Variants in COPZ2 observed in about 807,000 individuals in gnomAD.
The protein encoded by COPZ2 is coatomer subunit zeta-2.
COPZ2 carries 30 observed loss-of-function variants against 33.2 expected under a neutral mutation model. The ratio of observed to expected loss-of-function variants is 0.90; its 90% CI spans 0.68 to 1.23. The LOEUF (loss-of-function observed/expected upper bound fraction) is 1.23. COPZ2 is among the 50% of genes most tolerant of loss of function. The probability of loss-of-function intolerance (pLI) is 0.00; values close to 1 mark genes in which losing one functional copy is unlikely to be tolerated. For missense variants in COPZ2, 263 were observed against 262.4 expected (o/e 1.00, Z -0.02); for synonymous variants, 89 against 102.6 (o/e 0.87, Z 0.80).
At chr17:48,044,403 CT>C in the COPZ2 span, among the ~76,000 whole-genome samples, 2,693 of 101,648 alleles carry the variant, frequency 0.026, 27 homozygotes, top group Non-Finnish European at 0.038. Context: ...CAATCTTTTG[CT>C]TTTTTTTTTT....
In COPZ2 at chr17:48,037,740, C is replaced by T. The variant is rs1184279608; in HGVS notation, c.38G>A (p.Gly13Glu). The change falls in exon 1 of 9, where the codon GGG (glycine) becomes GAG (glutamate). Residue 13 changes from glycine to glutamate, a missense_variant. Coordinates refer to ENST00000621465, the MANE Select transcript of COPZ2 (RefSeq NM_016429.4). This position sits in a 1 kb window ranked among gnomAD's most constrained non-coding sequence, Gnocchi z 5.6. ...RPEAWPRPHPGEGAAAAQAGG... is the reference protein window; with the variant it reads ...RPEAWPRPHPEEGAAAAQAGG... The stretch of plus-strand genomic sequence containing the variant: ...GGCCTGGGCCGCCGCGGCCCCCTCC[C>T]CCGGGTGCGGACGTGGCCAGGCCTC... 2 of 1,059,698 alleles carry T rather than the reference C, an allele frequency of 1.9e-6. No homozygotes were observed. The highest frequency in any genetic ancestry group is 2.3e-6 in the Non-Finnish European group (2 of 880,418). 65.6% of individuals were successfully genotyped at this position (1,059,698 alleles called of 1,614,324 possible).
Position 48,029,146 on chromosome 17 carries a change from C to T in COPZ2, c.525G>A (p.Val175=). 2 of 1,579,134 alleles carry T rather than the reference C, an allele frequency of 1.3e-6. No homozygotes were observed. Among genetic ancestry groups the T allele is most frequent in the Non-Finnish European group, 1.7e-6 (2 of 1,162,230 alleles). The change falls in exon 7 of 9, where the codon GTG becomes GTA. Residue 175 remains valine (V), a synonymous_variant. Transcript: ENST00000621465. ...GVILESDPQQ[V]IQKVNFRADD... ...TTACCCTAAAATTCACCTTCTGGAT[C>T]ACTTGCTGGGGGTCACTCTCCAGAA...
chr17:48,030,921 C>T (rs1215387303), intron 6 of COPZ2, among the ~76,000 whole-genome samples: 2 of 152,170 alleles, frequency 1.3e-5, no homozygotes, highest in Non-Finnish European at 2.9e-5. Flanking sequence ...TGGCGTTACC[C>T]CACTCCCTTT....
chr17:48,042,710 C>T (rs1251153779), upstream of COPZ2, among the ~76,000 whole-genome samples: 1 of 152,154 alleles, frequency 6.6e-6, no homozygotes, highest in Non-Finnish European at 1.5e-5. Flanking sequence ...GATCTGCCCA[C>T]CTTGGCCTCC....
Position 48,037,096 on chromosome 17 carries a change from C to T in COPZ2, c.112-171G>A. On this transcript the variant is annotated intron_variant, in intron 1 of 8. Transcript: ENST00000621465. This position sits in a 1 kb window ranked among gnomAD's most constrained non-coding sequence, Gnocchi z 5.6. ...CCACATGGGCCAACCCAGGTGCCCA[C>T]TCCACTCCCAGGCAGATGTTCCACT... The T allele has an allele frequency of 1.3e-6, 1 of 772,522 alleles. No homozygotes were observed. The highest frequency in any genetic ancestry group is 1.7e-5 in the Admixed American group (1 of 57,444). 47.9% of individuals were successfully genotyped at this position (772,522 alleles called of 1,614,324 possible). A position where few individuals can be genotyped will look rare whatever the true frequency, so the allele number is the denominator to read the frequency against.
chr17:48,035,878 C>A (rs370994594), intron 2 of COPZ2, among the ~76,000 whole-genome samples: 2 of 151,510 alleles, frequency 1.3e-5, no homozygotes, highest in African/African-American at 4.9e-5. Context: ...CTCAGCCTCT[C>A]GAGTAGCTGG....
upstream of COPZ2, among the ~76,000 whole-genome samples, chr17:48,040,578 G>A (rs2037052168): frequency 6.6e-6 from 1 of 151,470 alleles, no homozygotes. Flanking sequence ...GACTACAGGT[G>A]CACACCACCA....
Position 48,030,331 on chromosome 17 carries a change from A to AC in COPZ2, c.495-1156_495-1155insG, listed in dbSNP as rs1555571321. Among the ~76,000 whole-genome samples the AC allele has an allele frequency of 4.8e-3, 542 of 111,820 alleles. 3 individuals carry two copies. The highest frequency in any genetic ancestry group is 9.9e-3 in the Middle Eastern group (2 of 202). The allele number at this position is 111,820 out of a possible 152,430, so 73.4% of individuals were successfully genotyped here. A position where few individuals can be genotyped will look rare whatever the true frequency, so the allele number is the denominator to read the frequency against. ...ACACACACACACACACACACACACA[A>AC]AGAAACAAACAAAAAAATTCCCTTT... On this transcript the variant is annotated intron_variant, in intron 6 of 8. Transcript: ENST00000621465.
chr17:48,029,912 G>C lies in COPZ2; in HGVS notation c.495-736C>G, dbSNP rs8067034. 8.8e-3 allele frequency among the ~76,000 whole-genome samples: 1,337 copies of C among 151,744 alleles called. 24 individuals carry two copies. The highest frequency in any genetic ancestry group is 0.03 in the African/African-American group (1,256 of 41,364). On this transcript the variant is annotated intron_variant, in intron 6 of 8. Coordinates refer to ENST00000621465, the MANE Select transcript of COPZ2 (RefSeq NM_016429.4). ...CAACCCGGGAGGCAGAGGTTGCAGTGAGCCAAGATTGCGCCACTGCACTCC... is the reference window on the plus strand; with the variant it reads ...CAACCCGGGAGGCAGAGGTTGCAGTCAGCCAAGATTGCGCCACTGCACTCC...
In COPZ2 at chr17:48,032,899, T is replaced by G. The variant is rs2036915410; in HGVS notation, c.361-158A>C. ...TGACATTAGAGGGAACTTCCATGTG[T>G]CTGGGCTGGGAAACTGGAGTTCTCC... On this transcript the variant is annotated intron_variant, in intron 4 of 8. Coordinates refer to ENST00000621465, the MANE Select transcript of COPZ2 (RefSeq NM_016429.4). 5 of 639,292 alleles carry G rather than the reference T, an allele frequency of 7.8e-6. No homozygotes were observed. The Admixed American group carries it at 1.3e-4, about 17-fold the overall frequency. 39.6% of individuals were successfully genotyped at this position (639,292 alleles called of 1,614,324 possible). A position where few individuals can be genotyped will look rare whatever the true frequency, so the allele number is the denominator to read the frequency against.
At position 48,026,353 on chromosome 17, in the gene COPZ2, G is replaced by A. The variant is rs1309134906; in HGVS notation, c.*75C>T. 8.1e-7 allele frequency: 1 copy of A among 1,238,534 alleles called. No homozygotes were observed. The highest frequency in any genetic ancestry group is 1.2e-6 in the Non-Finnish European group (1 of 845,048). 76.7% of individuals were successfully genotyped at this position (1,238,534 alleles called of 1,614,324 possible). On this transcript the variant is annotated 3_prime_UTR_variant, in exon 9 of 9. Transcript: ENST00000621465. ...CTGGGGATACAGAGGGGTCTCTCCT[G>A]ACCCTGGGATCTTTGGGCTTTTGCC... is the stretch of plus-strand genomic sequence containing the variant.
In COPZ2 at chr17:48,033,364, C is replaced by T; in HGVS notation, c.269-62G>A. On this transcript the variant is annotated intron_variant, in intron 3 of 8. Transcript: ENST00000621465. The stretch of plus-strand genomic sequence containing the variant: ...GCCTGGTCCTAGCCTAGCCCCTCCT[C>T]CTCATGTATGACTCTGTGACTCTCC... 2.4e-5 allele frequency: 22 copies of T among 913,370 alleles called. No individual in the cohort carries two copies. The South Asian group carries it at 2.9e-4, about 12-fold the overall frequency. 56.6% of individuals were successfully genotyped at this position (913,370 alleles called of 1,614,324 possible).
the COPZ2 span, among the ~76,000 whole-genome samples, chr17:48,043,879 C>T: frequency 1.3e-5 from 2 of 152,176 alleles, no homozygotes; most frequent in East Asian, 3.9e-4. Context: ...TGACATGTCA[C>T]ACAGAGCTAT....
chr17:48,029,316 C>A, intron 6 of COPZ2, 140 bp from the exon 7 acceptor site: 1 of 768,280 alleles, frequency 1.3e-6, no homozygotes, highest in Admixed American at 2.1e-5. Flanking sequence ...ACTGATAGCC[C>A]TCAAGTCAGA....
chr17:48,043,402 T>C, the COPZ2 span: 3 of 460,480 alleles, frequency 6.5e-6, no homozygotes, highest in Non-Finnish European at 5.7e-6. Flanking sequence ...GCATCTGTTC[T>C]TATGTGACGA....
chr17:48,032,916 G>A, intron 4 of COPZ2, 175 bp from the exon 5 acceptor site: 1 of 620,764 alleles, frequency 1.6e-6, no homozygotes, highest in South Asian at 2.0e-5. Flanking sequence ...TGGGAAACTG[G>A]AGTTCTCCAC....
chr17:48,036,494 G>A (rs1276456645), intron 2 of COPZ2, among the ~76,000 whole-genome samples: 1 of 152,168 alleles, frequency 6.6e-6, no homozygotes. Context: ...GAACAAAAGT[G>A]GAGGTTTAGA....
intron 4 of COPZ2, 199 bp from the exon 5 acceptor site, chr17:48,032,940 G>T: frequency 1.7e-6 from 1 of 603,192 alleles, no homozygotes. Context: ...GAGACATTGA[G>T]TGTATCCTTC....
At chr17:48,035,711 A>T (rs1262834310) in intron 2 of COPZ2, among the ~76,000 whole-genome samples, 1 of 150,932 alleles carries the variant, frequency 6.6e-6, no homozygotes, top group Non-Finnish European at 1.5e-5. Context: ...GGCATCAGCC[A>T]CTGCGCCTGG....
Sources: allele counts gnomAD v4.1 joint callset (sites outside exome capture counted in the v4.1 genomes callset), GRCh38; gene constraint gnomAD v4.1.1; non-coding constraint Gnocchi (gnomAD v3.1); transcripts MANE v1.5; gene names NCBI Gene and HGNC (gene_info 2026-07-23, HGNC 2026-07-21).